Variants in NCALD observed in about 807,000 individuals in gnomAD.
NCALD encodes neurocalcin delta.
A neutral mutation model predicts 18.6 loss-of-function variants in NCALD; 10 were observed. The observed-to-expected ratio is 0.54, with a 90% CI of 0.33 to 0.91. The LOEUF (loss-of-function observed/expected upper bound fraction) is 0.91. Ranked by LOEUF, NCALD falls within the 40% of genes least tolerant of loss-of-function variation. NCALD has a pLI of 0.03. For missense variants in NCALD, 184 were observed against 247.6 expected (o/e 0.74, Z 1.72); for synonymous variants, 88 against 87.4 (o/e 1.01, Z -0.04).
At chr8:101,882,413 G>A (rs960798638) in intron 4 of NCALD, among the ~76,000 whole-genome samples, 2 of 152,086 alleles carry the variant, frequency 1.3e-5, no homozygotes, top group Admixed American at 6.5e-5. Context: ...AGGATACAGC[G>A]AGAAGGCACC....
chr8:101,779,312 G>A (rs1586481008), intron 1 of NCALD, among the ~76,000 whole-genome samples: 1 of 152,108 alleles, frequency 6.6e-6, no homozygotes. Flanking sequence ...AGCACAGAGG[G>A]CTTAGTAGAG....
rs1027837753 is a variant in NCALD at position 101,688,691 on chromosome 8, A to G, written c.*618T>C. 2.1e-5 allele frequency: 10 copies of G among 473,820 alleles called. No individual in the cohort carries two copies. Among genetic ancestry groups the G allele is most frequent in the African/African-American group, 2.0e-4 (10 of 50,916 alleles). The allele number at this position is 473,820 out of a possible 1,614,324, so 29.4% of individuals were successfully genotyped here. On this transcript the variant is annotated 3_prime_UTR_variant, in exon 4 of 4. Transcript: ENST00000220931. ...TTAGCTCAACTAGTGTAAACCTGTG[A>G]AAAAATAGCTGAGCCATCTTTTTCC...
intron 1 of NCALD, among the ~76,000 whole-genome samples, chr8:102,100,002 G>C (rs1168568581): frequency 3.1e-5 from 4 of 127,526 alleles, no homozygotes; most frequent in Non-Finnish European, 6.9e-5. Context: ...AAAAGAAGAA[G>C]AAGAAGAAAA....
intron 1 of NCALD, among the ~76,000 whole-genome samples, chr8:102,116,724 T>A (rs1193400698): frequency 6.6e-6 from 1 of 152,036 alleles, no homozygotes; most frequent in Non-Finnish European, 1.5e-5. Flanking sequence ...GCCAGGCTGT[T>A]TTTGAACTCC....
intron 3 of NCALD, among the ~76,000 whole-genome samples, chr8:101,906,369 G>A (rs2131586148): frequency 6.6e-6 from 1 of 152,282 alleles, no homozygotes; most frequent in African/African-American, 2.4e-5. Context: ...TCAGAAGCCT[G>A]CAACCTCTTC....
intron 1 of NCALD, among the ~76,000 whole-genome samples, chr8:102,102,993 C>T (rs565232842): frequency 6.6e-6 from 1 of 152,294 alleles, no homozygotes; most frequent in South Asian, 2.1e-4. Context: ...ATTGATAAAC[C>T]AGAAGGCCAC....
chr8:102,063,901 C>T (rs1479878999), intron 1 of NCALD, among the ~76,000 whole-genome samples: 1 of 152,150 alleles, frequency 6.6e-6, no homozygotes, highest in Non-Finnish European at 1.5e-5. Flanking sequence ...AAAAGACTAT[C>T]CCTAATTTCC....
At chr8:101,751,444 A>T (rs1810653593) in intron 1 of NCALD, among the ~76,000 whole-genome samples, 1 of 152,204 alleles carries the variant, frequency 6.6e-6, no homozygotes, top group Non-Finnish European at 1.5e-5. Context: ...ACAGTTATAC[A>T]ACATTTGAAT....
chr8:101,997,752 GGTTTGGTTAAAGTTGCCAAGAGCATTTAA>G (rs1302171700), intron 2 of NCALD, among the ~76,000 whole-genome samples: 1 of 152,150 alleles, frequency 6.6e-6, no homozygotes, highest in African/African-American at 2.4e-5. Flanking sequence ...CCTGGGACCA[GGTTTGGTTAAAGTTGCCAAGAGCATTTAA>G]GATCGTGTTG....
At chr8:101,810,674 C>T (rs1813272933) in intron 4 of NCALD, among the ~76,000 whole-genome samples, 1 of 152,012 alleles carries the variant, frequency 6.6e-6, no homozygotes. Flanking sequence ...GGAAATAGGA[C>T]ATTAGTTTAT....
chr8:101,725,463 A>G (rs1816531968), intron 1 of NCALD, among the ~76,000 whole-genome samples: 1 of 152,052 alleles, frequency 6.6e-6, no homozygotes, highest in Non-Finnish European at 1.5e-5. Flanking sequence ...CACATTTATC[A>G]CCTTTCAAAC....
intron 4 of NCALD, among the ~76,000 whole-genome samples, chr8:101,801,118 A>G (rs1812834249): frequency 6.6e-6 from 1 of 152,072 alleles, no homozygotes; most frequent in African/African-American, 2.4e-5. Context: ...GAAAGAAACA[A>G]AGAAAGAAAG....
At chr8:102,054,674 A>ATAGT (rs1172461357) in intron 1 of NCALD, among the ~76,000 whole-genome samples, 1 of 106,920 alleles carries the variant, frequency 9.4e-6, no homozygotes, top group East Asian at 3.1e-4. Flanking sequence ...AGATAGATAG[A>ATAGT]TAGATAGATA....
At chr8:101,807,949 A>G (rs1239055024) in intron 4 of NCALD, among the ~76,000 whole-genome samples, 1 of 152,196 alleles carries the variant, frequency 6.6e-6, no homozygotes, top group Non-Finnish European at 1.5e-5. Context: ...AGAAGAAACT[A>G]TGGAATGGAA....
chr8:101,762,086 T>C (rs1282159280), intron 1 of NCALD, among the ~76,000 whole-genome samples: 1 of 152,168 alleles, frequency 6.6e-6, no homozygotes, highest in African/African-American at 2.4e-5. Context: ...AACCCTTCTA[T>C]CTTGTTTAAG....
chr8:101,873,876 T>A (rs1416442936), intron 4 of NCALD, among the ~76,000 whole-genome samples: 1 of 152,212 alleles, frequency 6.6e-6, no homozygotes, highest in Non-Finnish European at 1.5e-5. Context: ...CAACTTCATA[T>A]TATGCTACAA....
At chr8:101,801,639 CTTACTT>C (rs1812857578) in intron 4 of NCALD, among the ~76,000 whole-genome samples, 2 of 104,752 alleles carry the variant, frequency 1.9e-5, no homozygotes, top group Non-Finnish European at 3.9e-5. Context: ...TACAAGCACA[CTTACTT>C]TTTTTTTTTT....
chr8:102,090,838 C>G (rs2132372593), intron 1 of NCALD, among the ~76,000 whole-genome samples: 1 of 152,264 alleles, frequency 6.6e-6, no homozygotes, highest in African/African-American at 2.4e-5. Flanking sequence ...TAAGAGGACA[C>G]AATTGGAGAA....
chr8:101,734,484 T>C (rs76368263), intron 1 of NCALD, among the ~76,000 whole-genome samples: 2,223 of 152,370 alleles, frequency 0.015, 24 homozygotes, highest in Non-Finnish European at 0.022. Context: ...ATTGTATCCC[T>C]GGCACCTAAC....
Sources: gnomAD v4.1 joint callset for allele counts (sites outside exome capture counted in the v4.1 genomes callset) on GRCh38, gnomAD v4.1.1 for gene constraint, MANE v1.5 for transcripts, NCBI Gene and HGNC (gene_info 2026-07-23, HGNC 2026-07-21) for gene names.